HYCC2: variants seen among roughly 807,000 people sequenced by gnomAD.
HYCC2 encodes the protein hyccin PI4KA lipid kinase complex subunit 2, also known as hyccin 2.
chr2:200,988,296 T>C, the HYCC2 span: 9 of 1,613,284 alleles, frequency 5.6e-6, no homozygotes, highest in South Asian at 8.8e-5. Flanking sequence ...GGATTGAAGC[T>C]GTTGTAATTG....
the HYCC2 span, among the ~76,000 whole-genome samples, chr2:201,026,578 A>C: frequency 3.3e-5 from 5 of 152,234 alleles, no homozygotes; most frequent in Non-Finnish European, 7.3e-5. Context: ...AGCTCTCCTC[A>C]GCAAATGTAA....
the HYCC2 span, among the ~76,000 whole-genome samples, chr2:200,990,970 A>C: frequency 6.6e-6 from 1 of 152,156 alleles, no homozygotes; most frequent in Non-Finnish European, 1.5e-5. Flanking sequence ...AGCCTCCCAA[A>C]GTGCTGGAAT....
At chr2:201,042,209 C>T in the HYCC2 span, among the ~76,000 whole-genome samples, 3 of 152,220 alleles carry the variant, frequency 2.0e-5, no homozygotes, top group Admixed American at 6.5e-5. Context: ...CTGCCAGCCT[C>T]GGCCTCCCGA....
the HYCC2 span, chr2:201,008,893 A>T: frequency 7.8e-6 from 7 of 898,332 alleles, no homozygotes; most frequent in Admixed American, 1.2e-4. Flanking sequence ...ACAGAGTGAG[A>T]CTCTGTCATT....
the HYCC2 span, chr2:200,987,218 G>A: frequency 1.8e-6 from 1 of 563,488 alleles, no homozygotes; most frequent in African/African-American, 2.0e-5. Flanking sequence ...TATGAGGAGG[G>A]AGGGTGCTTT....
At chr2:201,027,717 A>G in the HYCC2 span, among the ~76,000 whole-genome samples, 1 of 152,326 alleles carries the variant, frequency 6.6e-6, no homozygotes, top group South Asian at 2.1e-4. Context: ...CAAAAACCAC[A>G]TGATTATCTC....
At chr2:201,068,920 C>CA in the HYCC2 span, among the ~76,000 whole-genome samples, 1,870 of 150,822 alleles carry the variant, frequency 0.012, 46 homozygotes, top group African/African-American at 0.042. Context: ...TTCTGGAAAT[C>CA]AAAAAAAAGA....
At chr2:200,987,490 C>T in the HYCC2 span, 1 of 1,289,704 alleles carries the variant, frequency 7.8e-7, no homozygotes, top group Non-Finnish European at 1.0e-6. Context: ...GATCGGGGAG[C>T]CAGGAATACT....
At chr2:200,990,967 CA>C in the HYCC2 span, among the ~76,000 whole-genome samples, 1 of 152,208 alleles carries the variant, frequency 6.6e-6, no homozygotes, top group African/African-American at 2.4e-5. Flanking sequence ...CTCAGCCTCC[CA>C]AAGTGCTGGA....
chr2:201,004,843 C>T, the HYCC2 span, among the ~76,000 whole-genome samples: 3 of 151,908 alleles, frequency 2.0e-5, no homozygotes, highest in Admixed American at 6.6e-5. Context: ...CAGTGAAACC[C>T]CGTCTCTACT....
At chr2:201,003,076 T>C in the HYCC2 span, among the ~76,000 whole-genome samples, 11 of 152,042 alleles carry the variant, frequency 7.2e-5, no homozygotes, top group Non-Finnish European at 1.3e-4. Context: ...AAATACAAAA[T>C]TTTTTTAAGA....
the HYCC2 span, among the ~76,000 whole-genome samples, chr2:201,051,099 T>A: frequency 6.6e-6 from 1 of 152,010 alleles, no homozygotes; most frequent in Non-Finnish European, 1.5e-5. Flanking sequence ...GAATACCATA[T>A]ATAAAAAGGA....
the HYCC2 span, chr2:201,063,635 A>C: frequency 1.9e-6 from 3 of 1,578,416 alleles, no homozygotes; most frequent in Non-Finnish European, 2.6e-6. Context: ...AGCCCTGTCA[A>C]AGCAAGAGAT....
At chr2:201,002,891 G>A in the HYCC2 span, among the ~76,000 whole-genome samples, 151 of 152,216 alleles carry the variant, frequency 9.9e-4, no homozygotes, top group African/African-American at 3.3e-3. Flanking sequence ...GTGCTCTCAC[G>A]CAAATGTATG....
the HYCC2 span, among the ~76,000 whole-genome samples, chr2:200,995,149 TA>T: frequency 3.9e-5 from 6 of 152,184 alleles, no homozygotes; most frequent in Non-Finnish European, 2.9e-5. Context: ...AGTGCTTAAG[TA>T]GCATCTAAAT....
the HYCC2 span, among the ~76,000 whole-genome samples, chr2:201,030,502 T>G: frequency 6.6e-6 from 1 of 152,062 alleles, no homozygotes; most frequent in Non-Finnish European, 1.5e-5. Context: ...AGTCATATGT[T>G]CACATCATAT....
chr2:201,017,961 A>C, the HYCC2 span, among the ~76,000 whole-genome samples: 28 of 152,324 alleles, frequency 1.8e-4, no homozygotes, highest in African/African-American at 6.0e-4. Flanking sequence ...TTTGCAATAC[A>C]TATTTGTGCA....
At chr2:201,063,834 AT>A in the HYCC2 span, 1 of 1,591,766 alleles carries the variant, frequency 6.3e-7, no homozygotes, top group South Asian at 1.1e-5. Context: ...GGATTTGGTA[AT>A]GATGGAAGCC....
chr2:200,981,275 C>T, the HYCC2 span: 1 of 1,612,476 alleles, frequency 6.2e-7, no homozygotes, highest in Non-Finnish European at 8.5e-7. This position sits in a 1 kb window ranked among gnomAD's most constrained non-coding sequence, Gnocchi z 4.5. Flanking sequence ...CAAAACTACA[C>T]CTGGGATATT....
Sources: gnomAD v4.1 joint callset for allele counts (sites outside exome capture counted in the v4.1 genomes callset) on GRCh38, gnomAD v4.1.1 for gene constraint, Gnocchi (gnomAD v3.1) non-coding constraint, MANE v1.5 for transcripts, NCBI Gene and HGNC (gene_info 2026-07-23, HGNC 2026-07-21) for gene names.